Variants in EVPL observed in about 807,000 individuals in gnomAD.
EVPL encodes the protein 210 kDa cornified envelope precursor protein.
In EVPL, 94 loss-of-function variants were observed where a neutral mutation model predicts 129.7. The ratio of observed to expected loss-of-function variants is 0.72; its 90% CI spans 0.61 to 0.86. The LOEUF (loss-of-function observed/expected upper bound fraction) is 0.86. EVPL is among the 40% of genes least tolerant of loss of function. The pLI is 0.00. For missense variants in EVPL, 2,625 were observed against 2,721.1 expected (o/e 0.96, Z 0.79); for synonymous variants, 1,172 against 1,191.1 (o/e 0.98, Z 0.33).
In EVPL at chr17:76,009,743, C is replaced by T. The variant is rs878892963; in HGVS notation, c.3462G>A (p.Arg1154=). The part of the protein sequence containing the change: ...QDPGLLQESS[R]LRSLLEEERT... Reference sequence around the variant, plus strand: ...TCTCCTCCTCGAGGAGGCTCCTCAGCCTGGAGGACTCCTGGAGGAGCCCTG... The same window carrying T: ...TCTCCTCCTCGAGGAGGCTCCTCAGTCTGGAGGACTCCTGGAGGAGCCCTG... The change falls in exon 22 of 22, where the codon AGG becomes AGA. Residue 1154 remains arginine, a synonymous_variant. Transcript: ENST00000301607. This position sits in a 1 kb window ranked among gnomAD's most constrained non-coding sequence, Gnocchi z 5.9. 2 of 1,613,810 alleles carry T rather than the reference C, an allele frequency of 1.2e-6. No individual in the cohort carries two copies. The highest frequency in any genetic ancestry group is 8.5e-7 in the Non-Finnish European group (1 of 1,180,026).
rs772405333 is a variant in EVPL, at chr17:76,014,933, C to T, written c.2205G>A (p.Gly735=). 5.7e-6 allele frequency: 9 copies of T among 1,586,300 alleles called. No homozygotes were observed. In the African/African-American group the frequency reaches 1.1e-4, roughly 19 times the overall value. ...RALTDRYHAV[G]DQLDLREKVV... ...TCGCTCACCGCAGGTCCAGCTGGTC[C>T]CCTACGGCGTGGTAGCGGTCGGTGA... The change falls in exon 17 of 22, where the codon GGG becomes GGA. Residue 735 remains glycine (G), a synonymous_variant. Transcript: ENST00000301607.
intron 17 of EVPL, 102 bp downstream of exon 17, chr17:76,014,814 C>CG (rs1888547222): frequency 7.8e-7 from 1 of 1,283,202 alleles, no homozygotes; most frequent in African/African-American, 1.5e-5. Flanking sequence ...GAAACAGCTT[C>CG]AGAGACGTGA....
Position 76,009,583 on chromosome 17 carries a change from G to A in EVPL, c.3622C>T (p.Gln1208Ter), listed in dbSNP as rs970400848. 6.2e-7 allele frequency: 1 copy of A among 1,614,038 alleles called. No individual in the cohort carries two copies. The highest frequency in any genetic ancestry group is 8.5e-7 in the Non-Finnish European group (1 of 1,180,040). The change falls in exon 22 of 22, where the codon CAG becomes TAG. Residue 1208 changes from glutamine to a stop codon, truncating the protein, a stop_gained. Coordinates refer to ENST00000301607, the MANE Select transcript of EVPL (RefSeq NM_001988.4). LOFTEE classifies it low-confidence loss of function (END_TRUNC). This position sits in a 1 kb window ranked among gnomAD's most constrained non-coding sequence, Gnocchi z 5.9. Reference protein sequence around the residue: ...EIFQVDPETEQEITRLKAKLQ... With the variant: ...EIFQVDPETE ...TTGGCCTTGAGCCGAGTGATCTCCT[G>A]CTCTGTCTCCGGATCCACCTGGAAG...
chr17:76,011,716 T>C, intron 20 of EVPL, 48 bp from the exon 21 acceptor site: 1 of 1,612,100 alleles, frequency 6.2e-7, no homozygotes, highest in Non-Finnish European at 8.5e-7. Context: ...GCTCCTGCCT[T>C]GGACCCTACA....
At chr17:76,018,665 G>T in intron 11 of EVPL, 65 bp from the exon 12 acceptor site, 1 of 1,514,208 alleles carries the variant, frequency 6.6e-7, no homozygotes, top group Non-Finnish European at 8.9e-7. Flanking sequence ...CCAGGGCAGA[G>T]TAGGGGCTGG....
rs775005029 is a variant in EVPL, at chr17:76,017,793, C to T, written c.1656G>A (p.Pro552=). The part of the protein sequence containing the change: ...ERQVLAWARA[P]LSRPTPLEDL... ...CCTCCAAGGGTGTGGGGCGGCTCAG[C>T]GGGGCCCGCGCCCAGGCCAGCACCT... Residue 552 remains proline, a synonymous_variant, in exon 14 of 22, where the codon CCG becomes CCA. Coordinates refer to ENST00000301607, the MANE Select transcript of EVPL (RefSeq NM_001988.4). 6.2e-6 allele frequency: 10 copies of T among 1,613,206 alleles called. No homozygotes were observed. In the Admixed American group the frequency reaches 8.3e-5, roughly 13 times the overall value.
In EVPL at chr17:76,008,112, G is replaced by C; in HGVS notation, c.5093C>G (p.Ser1698Cys). ...GCCCCTCTTGTAGGCCTCGTATGGG[G>C]ACATGTCCTTCCCCGTCTCGGGTTC... ...ILEPETGKDM[S>C]PYEAYKRGII... Residue 1698 changes from serine (S) to cysteine (C), a missense_variant, in exon 22 of 22, where the codon TCC becomes TGC. Coordinates refer to ENST00000301607, the MANE Select transcript of EVPL (RefSeq NM_001988.4). The surrounding 1 kb of genome is among the most constrained non-coding windows in gnomAD (Gnocchi z 7.4). 1 of 1,614,122 alleles carries C rather than the reference G, an allele frequency of 6.2e-7. No individual in the cohort carries two copies. Among genetic ancestry groups the C allele is most frequent in the Non-Finnish European group, 8.5e-7 (1 of 1,180,016 alleles).
chr17:76,015,131 C>G, intron 16 of EVPL, 22 bp from the exon 17 acceptor site: 1 of 1,568,736 alleles, frequency 6.4e-7, no homozygotes, highest in Non-Finnish European at 8.6e-7. Context: ...GGGGACGCAG[C>G]CGTGCACCCT....
rs1427817197 is a variant in EVPL, at chr17:76,008,489, T to G, written c.4716A>C (p.Arg1572Ser). The G allele has an allele frequency of 6.2e-7, 1 of 1,600,944 alleles. No individual in the cohort carries two copies. Among genetic ancestry groups the G allele is most frequent in the Non-Finnish European group, 8.5e-7 (1 of 1,177,878 alleles). ...ERIDRAETLG[R>S]TWSREESELQ... Reference sequence around the variant, plus strand: ...GCTCGGACTCCTCCCGGGACCAGGTTCTCCCCAGCGTCTCGGCCCGGTCAA... The same window carrying G: ...GCTCGGACTCCTCCCGGGACCAGGTGCTCCCCAGCGTCTCGGCCCGGTCAA... The change falls in exon 22 of 22, where the codon AGA becomes AGC. Residue 1572 changes from arginine (R) to serine (S), a missense_variant. Arg to Ser is a moderately radical substitution (Grantham distance 110). This residue lies in a region of EVPL where 1,453 missense variants were observed against 1,511.8 expected (regional missense o/e 0.96). Coordinates refer to ENST00000301607, the MANE Select transcript of EVPL (RefSeq NM_001988.4). This position sits in a 1 kb window ranked among gnomAD's most constrained non-coding sequence, Gnocchi z 7.4.
Position 76,009,733 on chromosome 17 carries a change from G to T in EVPL, c.3472C>A (p.Leu1158Ile). 1.2e-6 allele frequency: 2 copies of T among 1,613,670 alleles called. No homozygotes were observed. Among genetic ancestry groups the T allele is most frequent in the African/African-American group, 2.7e-5 (2 of 75,048 alleles). The change falls in exon 22 of 22, where the codon CTC becomes ATC. Residue 1158 changes from leucine to isoleucine, a missense_variant. By Grantham distance (5) the Leu-to-Ile change is conservative (BLOSUM62 2). This residue lies in a region of EVPL where 1,453 missense variants were observed against 1,511.8 expected (regional missense o/e 0.96). Coordinates refer to ENST00000301607, the MANE Select transcript of EVPL (RefSeq NM_001988.4). This position sits in a 1 kb window ranked among gnomAD's most constrained non-coding sequence, Gnocchi z 5.9. ...TTCTTGGTCCTCTCCTCCTCGAGGA[G>T]GCTCCTCAGCCTGGAGGACTCCTGG... The part of the protein sequence containing the change: ...LLQESSRLRS[L>I]LEEERTKNAT...
intron 14 of EVPL, among the ~76,000 whole-genome samples, chr17:76,016,687 G>A (rs1313462660): frequency 3.9e-5 from 6 of 152,218 alleles, no homozygotes; most frequent in Admixed American, 3.9e-4. Flanking sequence ...GCCAATGCGG[G>A]AGGATCGCTT....
intron 8 of EVPL, 43 bp from the exon 9 acceptor site, chr17:76,021,606 C>CCT: frequency 1.0e-5 from 14 of 1,336,516 alleles, no homozygotes; most frequent in East Asian, 3.0e-5. Flanking sequence ...GCCCCCCCCA[C>CCT]GTCCGCCCCA....
rs758529241 is a variant in EVPL, at chr17:76,021,933, G to C, written c.741C>G (p.Arg247=). The change falls in exon 7 of 22, where the codon CGC becomes CGG. Residue 247 remains arginine, a synonymous_variant. Coordinates refer to ENST00000301607, the MANE Select transcript of EVPL (RefSeq NM_001988.4). ...CGCTCCAGTCCTGCTGCAGGATGCG[G>C]CGCTGCTGCTCAGCCAGGGCGCTCA... ...RQLSALAEQQ[R]RILQQDWSDL... 1.2e-5 allele frequency: 19 copies of C among 1,558,112 alleles called. No homozygotes were observed. In the South Asian group the frequency reaches 2.1e-4, roughly 17 times the overall value.
At chr17:76,019,777 C>G (rs2066444837) in intron 9 of EVPL, 124 bp from the exon 10 acceptor site, 1 of 1,245,604 alleles carries the variant, frequency 8.0e-7, no homozygotes, top group African/African-American at 1.6e-5. Context: ...TAAACACAAA[C>G]CAGCTAAACA....
At chr17:76,020,491 C>A (rs912676163) in intron 9 of EVPL, among the ~76,000 whole-genome samples, 1 of 152,130 alleles carries the variant, frequency 6.6e-6, no homozygotes, top group African/African-American at 2.4e-5. Flanking sequence ...AGAAGCATTC[C>A]AGGTGCTTTG....
At position 76,019,033 on chromosome 17, in the gene EVPL, C is replaced by T. The variant is rs759503019; in HGVS notation, c.1165G>A (p.Glu389Lys). The change falls in exon 11 of 22, where the codon GAG (glutamate) becomes AAG (lysine). Residue 389 changes from glutamate (E) to lysine (K), a missense_variant. By Grantham distance (56) the Glu-to-Lys change is moderately conservative. Coordinates refer to ENST00000301607, the MANE Select transcript of EVPL (RefSeq NM_001988.4). ...EAEEKRLAVT[E>K]RATGDLQRRS... ...CGCTGCAGGTCCCCAGTGGCCCTCT[C>T]GGTGACGGCCAGCCGTTTTTCCTCT... 6 of 1,574,322 alleles carry T rather than the reference C, an allele frequency of 3.8e-6. No individual in the cohort carries two copies. The highest frequency in any genetic ancestry group is 2.3e-5 in the South Asian group (2 of 86,566).
At chr17:76,014,774 G>C (rs2066404638) in intron 17 of EVPL, 142 bp downstream of exon 17, 1 of 1,111,192 alleles carries the variant, frequency 9.0e-7, no homozygotes, top group East Asian at 2.6e-5. Context: ...TGGGAGGTAA[G>C]TGCTGTTGTT....
At chr17:76,025,234 C>T (rs563264447) in intron 1 of EVPL, among the ~76,000 whole-genome samples, 10 of 152,318 alleles carry the variant, frequency 6.6e-5, no homozygotes, top group South Asian at 4.1e-4. Flanking sequence ...TCTGAAACGT[C>T]CAGTGCAGGC....
chr17:76,011,727 G>GA, intron 20 of EVPL, 45 bp downstream of exon 20: 1 of 1,610,348 alleles, frequency 6.2e-7, no homozygotes, highest in Non-Finnish European at 8.5e-7. Flanking sequence ...GGACCCTACA[G>GA]AGCTGGTGTC....
Sources: allele counts gnomAD v4.1 joint callset (sites outside exome capture counted in the v4.1 genomes callset), GRCh38; gene constraint gnomAD v4.1.1; regional missense constraint gnomAD v4.1.1; non-coding constraint Gnocchi (gnomAD v3.1); transcripts MANE v1.5; gene names NCBI Gene and HGNC (gene_info 2026-07-23, HGNC 2026-07-21).